CD38: variants seen among roughly 807,000 people sequenced by gnomAD.
The protein encoded by CD38 is CD38 molecule.
In CD38, 31 loss-of-function variants were observed where a neutral mutation model predicts 36.3. The observed-to-expected ratio is 0.85, with a 90% CI of 0.64 to 1.15. The LOEUF is 1.15. Ranked by LOEUF, CD38 falls within the 50% of genes most tolerant of loss-of-function variation. The pLI, the probability that CD38 is intolerant of heterozygous loss-of-function variation, is 0.00. For synonymous variants in CD38, 131 were observed against 135.2 expected, an observed-to-expected ratio of 0.97 and a Z score of 0.22; for missense variants, 380 against 371.9, an observed-to-expected ratio of 1.02 and a Z score of -0.18.
At chr4:15,848,228 C>G (rs527730876) in intron 7 of CD38, among the ~76,000 whole-genome samples, 7 of 152,264 alleles carry the variant, frequency 4.6e-5, no homozygotes, top group African/African-American at 1.7e-4. Context: ...GGGTCTCCAG[C>G]TTTTTCCCAG....
At chr4:15,789,001 T>A (rs2148914899) in intron 1 of CD38, among the ~76,000 whole-genome samples, 1 of 152,292 alleles carries the variant, frequency 6.6e-6, no homozygotes, top group South Asian at 2.1e-4. Flanking sequence ...CGAATAAAAC[T>A]TCATAGAGTT....
At position 15,778,463 on chromosome 4, in the gene CD38, C is replaced by T. The variant is rs540438203; in HGVS notation, c.49C>T (p.Arg17Trp). ...SPVSGDKPCC[R>W]LSRRAQLCLG... Reference sequence around the variant, plus strand: ...GGTGTCCGGGGACAAACCCTGCTGCCGGCTCTCTAGGAGAGCCCAACTCTG... The same window carrying T: ...GGTGTCCGGGGACAAACCCTGCTGCTGGCTCTCTAGGAGAGCCCAACTCTG... Residue 17 changes from arginine (R) to tryptophan (W), a missense_variant, in exon 1 of 8, where the codon CGG becomes TGG. Transcript: ENST00000226279. This position sits in a 1 kb window ranked among gnomAD's most constrained non-coding sequence, Gnocchi z 4.9. 3.3e-5 allele frequency: 54 copies of T among 1,613,916 alleles called. No individual in the cohort carries two copies. Among genetic ancestry groups the T allele is most frequent in the Non-Finnish European group, 4.3e-5 (51 of 1,179,948 alleles).
At chr4:15,786,226 T>TC (rs1042160188) in intron 1 of CD38, among the ~76,000 whole-genome samples, 29 of 152,110 alleles carry the variant, frequency 1.9e-4, no homozygotes, top group African/African-American at 5.8e-4. Flanking sequence ...CAGTGTTGGC[T>TC]CCCCCCAGCC....
chr4:15,803,208 G>C (rs936263490), intron 1 of CD38, among the ~76,000 whole-genome samples: 3 of 152,086 alleles, frequency 2.0e-5, no homozygotes, highest in African/African-American at 7.2e-5. Flanking sequence ...AAAACATAAG[G>C]AAAATGTTCT....
rs150105860 is a variant in CD38 at position 15,778,793 on chromosome 4, C to A, written c.233+146C>A. ...GCCGGGTGGTGCTGAGTAGGGAGTCCCGGGCTCGGGGCTCCGCGGGCCGCT... is the reference window on the plus strand; with the variant it reads ...GCCGGGTGGTGCTGAGTAGGGAGTCACGGGCTCGGGGCTCCGCGGGCCGCT... On this transcript the variant is annotated intron_variant, in intron 1 of 7. Coordinates refer to ENST00000226279, the MANE Select transcript of CD38 (RefSeq NM_001775.4). This position sits in a 1 kb window ranked among gnomAD's most constrained non-coding sequence, Gnocchi z 4.9. 16 of 608,014 alleles carry A rather than the reference C, an allele frequency of 2.6e-5. No homozygotes were observed. The highest frequency in any genetic ancestry group is 4.5e-5 in the Non-Finnish European group (16 of 351,968). The allele number at this position is 608,014 out of a possible 1,614,324, so 37.7% of individuals were successfully genotyped here.
rs759615714 is a variant in CD38, at chr4:15,778,478, G to C, written c.64G>C (p.Ala22Pro). The C allele has an allele frequency of 6.2e-7, 1 of 1,613,912 alleles. No individual in the cohort carries two copies. ...ACCCTGCTGCCGGCTCTCTAGGAGA[G>C]CCCAACTCTGTCTTGGCGTCAGTAT... Reference protein sequence around the residue: ...DKPCCRLSRRAQLCLGVSILV... With the variant: ...DKPCCRLSRRPQLCLGVSILV... Residue 22 changes from alanine to proline, a missense_variant, in exon 1 of 8, where the codon GCC becomes CCC. Coordinates refer to ENST00000226279, the MANE Select transcript of CD38 (RefSeq NM_001775.4). This position sits in a 1 kb window ranked among gnomAD's most constrained non-coding sequence, Gnocchi z 4.9.
chr4:15,785,857 G>T (rs755645434), intron 1 of CD38, among the ~76,000 whole-genome samples: 19 of 152,136 alleles, frequency 1.2e-4, no homozygotes, highest in Non-Finnish European at 7.4e-5. Flanking sequence ...TCTTAAAGGT[G>T]GTGTGTCCAG....
chr4:15,802,491 G>GTTTTGTTTTATTTTA (rs896891502), intron 1 of CD38, among the ~76,000 whole-genome samples: 3 of 134,110 alleles, frequency 2.2e-5, no homozygotes, highest in Admixed American at 7.8e-5. Context: ...GCAATTGTTT[G>GTTTTGTTTTATTTTA]TTTTATTTTA....
chr4:15,798,455 T>G (rs918909396), intron 1 of CD38, among the ~76,000 whole-genome samples: 2 of 152,216 alleles, frequency 1.3e-5, no homozygotes, highest in African/African-American at 4.8e-5. Context: ...CAGCCCTCTT[T>G]CAACCCTCTC....
intron 2 of CD38, among the ~76,000 whole-genome samples, chr4:15,820,844 G>T (rs540358507): frequency 5.8e-4 from 88 of 152,242 alleles, no homozygotes; most frequent in African/African-American, 2.0e-3. Flanking sequence ...TGGACCTGAT[G>T]GATATCTACT....
intron 1 of CD38, among the ~76,000 whole-genome samples, chr4:15,784,438 T>C (rs1320244951): frequency 6.6e-6 from 1 of 152,136 alleles, no homozygotes; most frequent in Non-Finnish European, 1.5e-5. Context: ...GATTGGCCAA[T>C]TGATTGACTA....
At chr4:15,848,169 A>G (rs1021053582) in intron 7 of CD38, among the ~76,000 whole-genome samples, 1 of 152,186 alleles carries the variant, frequency 6.6e-6, no homozygotes, top group Admixed American at 6.5e-5. Context: ...TTCACCTGTT[A>G]GGTACTTATC....
intron 1 of CD38, among the ~76,000 whole-genome samples, chr4:15,800,047 G>A (rs567576441): frequency 2.3e-4 from 35 of 152,234 alleles, no homozygotes; most frequent in South Asian, 1.2e-3. Context: ...GCAGAAAAAT[G>A]TATAAAAACA....
chr4:15,811,279 G>A (rs990340284), intron 1 of CD38, among the ~76,000 whole-genome samples: 1 of 152,086 alleles, frequency 6.6e-6, no homozygotes, highest in Admixed American at 6.5e-5. Flanking sequence ...TTGATAAAGT[G>A]TAATTTATGT....
chr4:15,824,138 A>G (rs906881719), intron 2 of CD38, among the ~76,000 whole-genome samples: 1 of 152,028 alleles, frequency 6.6e-6, no homozygotes, highest in Non-Finnish European at 1.5e-5. Flanking sequence ...CACACACTGT[A>G]GCTTGTTGGG....
intron 1 of CD38, among the ~76,000 whole-genome samples, chr4:15,788,353 T>A (rs1283848327): frequency 6.6e-6 from 1 of 152,100 alleles, no homozygotes; most frequent in East Asian, 1.9e-4. Context: ...ATTAGAAACA[T>A]GTTGTTTGTC....
In CD38 at chr4:15,778,519, C is replaced by T. The variant is rs1329264471; in HGVS notation, c.105C>T (p.Leu35=). Reference sequence around the variant, plus strand: ...GCGTCAGTATCCTGGTCCTGATCCTCGTCGTGGTGCTCGCGGTGGTCGTCC... The same window carrying T: ...GCGTCAGTATCCTGGTCCTGATCCTTGTCGTGGTGCTCGCGGTGGTCGTCC... ...CLGVSILVLI[L]VVVLAVVVPR... The change falls in exon 1 of 8, where the codon CTC becomes CTT. Residue 35 remains leucine, a synonymous_variant. Coordinates refer to ENST00000226279, the MANE Select transcript of CD38 (RefSeq NM_001775.4). This position sits in a 1 kb window ranked among gnomAD's most constrained non-coding sequence, Gnocchi z 4.9. 2 of 1,613,710 alleles carry T rather than the reference C, an allele frequency of 1.2e-6. No homozygotes were observed. The highest frequency in any genetic ancestry group is 1.7e-6 in the Non-Finnish European group (2 of 1,179,964).
intron 1 of CD38, among the ~76,000 whole-genome samples, chr4:15,809,972 AAT>A: frequency 6.6e-6 from 1 of 152,298 alleles, no homozygotes; most frequent in East Asian, 1.9e-4. Context: ...GGATAAAATA[AAT>A]AGTTTCATAA....
chr4:15,790,421 G>C (rs145475776), intron 1 of CD38, among the ~76,000 whole-genome samples: 7,680 of 151,564 alleles, frequency 0.051, 164 homozygotes, highest in East Asian at 0.17. Context: ...CGAGTGATCC[G>C]CCGGCCTCGG....
Sources: gnomAD v4.1 joint callset for allele counts (sites outside exome capture counted in the v4.1 genomes callset) on GRCh38, gnomAD v4.1.1 for gene constraint, Gnocchi (gnomAD v3.1) non-coding constraint, MANE v1.5 for transcripts, NCBI Gene and HGNC (gene_info 2026-07-23, HGNC 2026-07-21) for gene names.